Variants in IL1RAP observed in about 807,000 individuals in gnomAD.
The protein encoded by IL1RAP is interleukin-1 receptor accessory protein.
In IL1RAP, 35 loss-of-function variants were observed where a neutral mutation model predicts 60.7. The ratio of observed to expected loss-of-function variants is 0.58; its 90% confidence interval spans 0.44 to 0.76. The LOEUF is 0.76. Among genes scored for constraint, IL1RAP ranks in the 30% least tolerant of loss-of-function variants. IL1RAP has a pLI of 0.00. For missense variants in IL1RAP, 572 were observed against 693.9 expected, an observed-to-expected ratio of 0.82 and a Z score of 1.97; for synonymous variants, 268 against 250.9, an observed-to-expected ratio of 1.07 and a Z score of -0.64.
At chr3:190,640,563 G>A (rs9815685) in intron 9 of IL1RAP, among the ~76,000 whole-genome samples, 47,643 of 152,026 alleles carry the variant, frequency 0.31, 8,334 homozygotes, top group African/African-American at 0.49. Flanking sequence ...AATTTAGAAC[G>A]GAGTAGCCAT....
At chr3:190,599,801 C>A (rs534766494) in intron 3 of IL1RAP, among the ~76,000 whole-genome samples, 101 of 133,606 alleles carry the variant, frequency 7.6e-4, no homozygotes, top group Non-Finnish European at 1.3e-3. Flanking sequence ...TTTTCTATTT[C>A]TTTTTCTTTC....
At position 190,631,344 on chromosome 3, in the gene IL1RAP, C is replaced by T. The variant is rs565142545; in HGVS notation, c.1051+1846C>T. On this transcript the variant is annotated intron_variant, in intron 9 of 11. Coordinates refer to ENST00000447382, the MANE Select transcript of IL1RAP (RefSeq NM_002182.4). ...TGAAGCACAAGTTTGCCTCCCAGAG[C>T]GACCAGAGTAGCTCCCCTTTTACAG... Among the ~76,000 whole-genome samples the T allele has an allele frequency of 5.3e-5, 8 of 152,228 alleles. No individual in the cohort carries two copies. The East Asian group carries it at 5.8e-4, about 11-fold the overall frequency.
At chr3:190,608,862 A>T (rs769315128) in intron 4 of IL1RAP, 133 bp from the exon 5 acceptor site, 19 of 628,742 alleles carry the variant, frequency 3.0e-5, no homozygotes, top group Non-Finnish European at 4.6e-5. Context: ...CTACCATTTT[A>T]TCTCTTACAT....
intron 6 of IL1RAP, among the ~76,000 whole-genome samples, chr3:190,621,983 C>T (rs1195613728): frequency 7.0e-6 from 1 of 143,188 alleles, no homozygotes; most frequent in Non-Finnish European, 1.5e-5. Flanking sequence ...CATAAACAAA[C>T]ATTCAACTGG....
rs186226307 is a variant in IL1RAP, at chr3:190,589,984, C to T, written c.65-14144C>T. 5.4e-4 allele frequency among the ~76,000 whole-genome samples: 83 copies of T among 152,300 alleles called. 1 individual carries two copies. Among genetic ancestry groups the T allele is most frequent in the African/African-American group, 1.9e-3 (77 of 41,566 alleles). ...GCTCTGGTAAAAGGCAATAAAAACT[C>T]AAAATCAAACACACATAATAATTCC... On this transcript the variant is annotated intron_variant, in intron 3 of 11. Coordinates refer to ENST00000447382, the MANE Select transcript of IL1RAP (RefSeq NM_002182.4).
At position 190,615,666 on chromosome 3, in the gene IL1RAP, C is replaced by T. The variant is rs6783326; in HGVS notation, c.538-4609C>T. ...TGTAACTTTCCACAAAGCTAGTTTT[C>T]CTTGTAGCCACAGTGATTACTAAAA... On this transcript the variant is annotated intron_variant, in intron 5 of 11. Coordinates refer to ENST00000447382, the MANE Select transcript of IL1RAP (RefSeq NM_002182.4). 9.2e-3 allele frequency among the ~76,000 whole-genome samples: 1,393 copies of T among 152,172 alleles called. 19 individuals carry two copies. Among genetic ancestry groups the T allele is most frequent in the African/African-American group, 0.031 (1,301 of 41,506 alleles).
chr3:190,537,030 T>C (rs916220359), intron 1 of IL1RAP, among the ~76,000 whole-genome samples: 2 of 151,940 alleles, frequency 1.3e-5, no homozygotes, highest in African/African-American at 4.8e-5. Context: ...ATATAGATAT[T>C]TTTTTTAACT....
intron 3 of IL1RAP, among the ~76,000 whole-genome samples, chr3:190,586,885 C>G (rs1298615918): frequency 6.6e-6 from 1 of 152,078 alleles, no homozygotes; most frequent in Non-Finnish European, 1.5e-5. Flanking sequence ...CCCGCTGCCT[C>G]TTGGCTGTGA....
At chr3:190,639,458 T>C (rs1183153183) in intron 9 of IL1RAP, among the ~76,000 whole-genome samples, 1 of 152,196 alleles carries the variant, frequency 6.6e-6, no homozygotes, top group African/African-American at 2.4e-5. Flanking sequence ...AATTTCCATA[T>C]CTTCATTGAA....
At chr3:190,539,770 A>C (rs975242766) in intron 1 of IL1RAP, among the ~76,000 whole-genome samples, 1 of 151,750 alleles carries the variant, frequency 6.6e-6, no homozygotes, top group African/African-American at 2.4e-5. Context: ...AAATAACCTA[A>C]CAGGTGATTT....
Position 190,634,718 on chromosome 3 carries a change from TGTTG to T in IL1RAP, c.1051+5221_1051+5224del, listed in dbSNP as rs1421655475. Among the ~76,000 whole-genome samples the T allele has an allele frequency of 5.9e-3, 809 of 137,422 alleles. 55 individuals are homozygous for T. The highest frequency in any genetic ancestry group is 0.023 in the African/African-American group (739 of 32,118). 90.2% of individuals were successfully genotyped at this position (137,422 alleles called of 152,430 possible). A position where few individuals can be genotyped will look rare whatever the true frequency, so the allele number is the denominator to read the frequency against. On this transcript the variant is annotated intron_variant, in intron 9 of 11. Transcript: ENST00000447382. ...TCTGGGCCTGTTGTGTTTTTTTTTT[TGTTG>T]TTGTTTTTTTTGAGAAGGAGTCTCG...
intron 3 of IL1RAP, among the ~76,000 whole-genome samples, chr3:190,600,544 C>T (rs1729766203): frequency 6.6e-6 from 1 of 152,166 alleles, no homozygotes; most frequent in Admixed American, 6.5e-5. Flanking sequence ...GTATGCCATC[C>T]ATCAAAGTAC....
At chr3:190,517,493 C>T (rs1721631091) in intron 1 of IL1RAP, among the ~76,000 whole-genome samples, 1 of 152,290 alleles carries the variant, frequency 6.6e-6, no homozygotes, top group Admixed American at 6.5e-5. Context: ...GATTACTTGT[C>T]TGGAGTTTCA....
chr3:190,641,317 C>G (rs12487239), intron 9 of IL1RAP, among the ~76,000 whole-genome samples: 5,507 of 152,214 alleles, frequency 0.036, 298 homozygotes, highest in East Asian at 0.27. Context: ...ATCTTTTTGT[C>G]AAAACACCTG....
intron 3 of IL1RAP, among the ~76,000 whole-genome samples, chr3:190,586,479 G>T (rs946025698): frequency 6.6e-6 from 1 of 152,140 alleles, no homozygotes; most frequent in Non-Finnish European, 1.5e-5. Context: ...TGTGTTCTAA[G>T]CAAAGACAGC....
Position 190,543,526 on chromosome 3 carries a change from G to A in IL1RAP, c.-88-12604G>A, listed in dbSNP as rs150304937. ...AGACTATATGGGAAGCATAGCTAAC[G>A]TTTTAGGAAGAAGGTAGAAATTACA... On this transcript the variant is annotated intron_variant, in intron 1 of 11. Transcript: ENST00000447382. Among the ~76,000 whole-genome samples, 115 of 152,264 alleles carry A rather than the reference G, an allele frequency of 7.6e-4. No individual in the cohort carries two copies. The Middle Eastern group carries it at 0.02, about 27-fold the overall frequency.
intron 9 of IL1RAP, among the ~76,000 whole-genome samples, chr3:190,631,940 A>G (rs1026843219): frequency 1.3e-5 from 2 of 152,052 alleles, no homozygotes; most frequent in Non-Finnish European, 1.5e-5. Flanking sequence ...AGCTGGGACT[A>G]CACAGGCATG....
At chr3:190,517,018 A>G (rs1721583852) in intron 1 of IL1RAP, among the ~76,000 whole-genome samples, 1 of 152,234 alleles carries the variant, frequency 6.6e-6, no homozygotes, top group African/African-American at 2.4e-5. Context: ...AATTTACTTC[A>G]GTTATAAAGT....
intron 1 of IL1RAP, chr3:190,518,397 G>A (rs950270408): frequency 4.6e-5 from 7 of 152,072 alleles, no homozygotes; most frequent in East Asian, 1.9e-4. Context: ...GTTAAATTAC[G>A]ATCATCATAA....
Sources: allele counts gnomAD v4.1 joint callset (sites outside exome capture counted in the v4.1 genomes callset), GRCh38; gene constraint gnomAD v4.1.1; transcripts MANE v1.5; gene names NCBI Gene and HGNC (gene_info 2026-07-23, HGNC 2026-07-21).